The following LAMP1 variants were observed in gnomAD, a reference collection of about 807,000 sequenced individuals.
LAMP1 encodes the protein lysosome associated membrane protein 1, also known as lysosome-associated membrane glycoprotein 1.
In LAMP1, 7 loss-of-function variants were observed where a neutral mutation model predicts 37.5. The ratio of observed to expected loss-of-function variants is 0.19; its 90% CI spans 0.11 to 0.35. The LOEUF is 0.35. Ranked by LOEUF, LAMP1 falls within the 10% of genes least tolerant of loss-of-function variation. The pLI, the probability that LAMP1 is intolerant of heterozygous loss-of-function variation, is 1.00. For synonymous variants in LAMP1, 236 were observed against 229.1 expected, an observed-to-expected ratio of 1.03 and a Z score of -0.27; for missense variants, 537 against 552.8, an observed-to-expected ratio of 0.97 and a Z score of 0.29.
chr13:113,315,020 C>T (rs1160561279), intron 4 of LAMP1, among the ~76,000 whole-genome samples: 2 of 114,944 alleles, frequency 1.7e-5, no homozygotes, highest in Non-Finnish European at 3.4e-5. Flanking sequence ...TGCCCGTGTG[C>T]CTGGGGCGTG....
chr13:113,314,134 G>A lies in LAMP1; in HGVS notation c.562+3267G>A, dbSNP rs543706522. Among the ~76,000 whole-genome samples, 177 of 102,698 alleles carry A rather than the reference G, an allele frequency of 1.7e-3. 2 individuals carry two copies. The highest frequency in any genetic ancestry group is 0.013 in the Middle Eastern group (2 of 156). 67.4% of individuals were successfully genotyped at this position (102,698 alleles called of 152,430 possible). ...CCTGGGGCGTGGCCTCCCGGAGGGA[G>A]TCAGTGTGGAGATGCCCGTGTGCCT... On this transcript the variant is annotated intron_variant, in intron 4 of 8. Transcript: ENST00000332556.
Position 113,321,495 on chromosome 13 carries a change from C to T in LAMP1, c.943+25C>T, listed in dbSNP as rs571934711. On this transcript the variant is annotated intron_variant, in intron 7 of 8. Coordinates refer to ENST00000332556, the MANE Select transcript of LAMP1 (RefSeq NM_005561.4). The surrounding 1 kb of genome is among the most constrained non-coding windows in gnomAD (Gnocchi z 5.6). The stretch of plus-strand genomic sequence containing the variant: ...GGTGAGAACCCACAATCTCTGCGAG[C>T]CCCGCCCCCGCCCGCGCGCCCAGGG... 1.7e-5 allele frequency: 27 copies of T among 1,610,396 alleles called. No individual in the cohort carries two copies. The South Asian group carries it at 2.9e-4, about 17-fold the overall frequency.
intron 1 of LAMP1, among the ~76,000 whole-genome samples, chr13:113,301,644 A>ATATAT (rs2042574098): frequency 5.2e-4 from 2 of 3,864 alleles, no homozygotes; most frequent in African/African-American, 1.4e-3. Flanking sequence ...AAAAAAAAAA[A>ATATAT]ATATATATAT....
Position 113,297,999 on chromosome 13 carries a change from A to G in LAMP1, c.61+504A>G, listed in dbSNP as rs575785410. Among the ~76,000 whole-genome samples the G allele has an allele frequency of 2.0e-4, 30 of 152,298 alleles. No individual in the cohort carries two copies. Among genetic ancestry groups the G allele is most frequent in the African/African-American group, 7.0e-4 (29 of 41,564 alleles). ...CGGTGCGAGCATTCCCCACCTTTGT[A>G]CTTGAACCTTTCTCCTCTTTCAGCG... is the stretch of plus-strand genomic sequence containing the variant. On this transcript the variant is annotated intron_variant, in intron 1 of 8. Coordinates refer to ENST00000332556, the MANE Select transcript of LAMP1 (RefSeq NM_005561.4). This position sits in a 1 kb window ranked among gnomAD's most constrained non-coding sequence, Gnocchi z 4.4.
At chr13:113,298,909 G>A (rs2042556353) in intron 1 of LAMP1, among the ~76,000 whole-genome samples, 1 of 152,228 alleles carries the variant, frequency 6.6e-6, no homozygotes, top group Non-Finnish European at 1.5e-5. Context: ...TTGGGTGGCC[G>A]AGGCAGATGG....
intron 1 of LAMP1, among the ~76,000 whole-genome samples, chr13:113,301,698 C>T (rs1380253797): frequency 7.1e-6 from 1 of 141,250 alleles, no homozygotes; most frequent in Non-Finnish European, 1.5e-5. Context: ...TATATTTACA[C>T]ACACACACAC....
chr13:113,309,832 A>C lies in LAMP1; in HGVS notation c.373A>C (p.Thr125Pro). Reference sequence around the variant, plus strand: ...GAGTTTTGTTTATAACTTGTCAGACACACACCTTTTCCCCAATGCGAGCTC... The same window carrying C: ...GAGTTTTGTTTATAACTTGTCAGACCCACACCTTTTCCCCAATGCGAGCTC... ...LMSFVYNLSD[T>P]HLFPNASSKE... Residue 125 changes from threonine to proline, a missense_variant, in exon 3 of 9, where the codon ACA becomes CCA. Thr to Pro is a conservative substitution (Grantham distance 38). Coordinates refer to ENST00000332556, the MANE Select transcript of LAMP1 (RefSeq NM_005561.4). The C allele has an allele frequency of 6.2e-7, 1 of 1,613,424 alleles. No homozygotes were observed. Among genetic ancestry groups the C allele is most frequent in the Non-Finnish European group, 8.5e-7 (1 of 1,180,012 alleles).
intron 2 of LAMP1, among the ~76,000 whole-genome samples, chr13:113,307,041 G>A (rs569298224): frequency 1.5e-4 from 23 of 151,708 alleles, no homozygotes; most frequent in African/African-American, 4.6e-4. Flanking sequence ...GGGTTTCACT[G>A]TGTTAGCCTT....
intron 3 of LAMP1, 41 bp from the exon 4 acceptor site, chr13:113,310,668 C>G (rs1363329155): frequency 7.3e-7 from 1 of 1,363,046 alleles, no homozygotes; most frequent in Admixed American, 2.2e-5. Context: ...CTAAGTACTG[C>G]AAGTAGTTTG....
At chr13:113,313,242 G>A (rs1257963131) in intron 4 of LAMP1, among the ~76,000 whole-genome samples, 1 of 152,168 alleles carries the variant, frequency 6.6e-6, no homozygotes, top group African/African-American at 2.4e-5. Flanking sequence ...GGATTCTCTA[G>A]ATGAAAAATA....
intron 4 of LAMP1, among the ~76,000 whole-genome samples, chr13:113,317,332 T>A (rs1026155569): frequency 1.3e-5 from 2 of 152,164 alleles, no homozygotes; most frequent in African/African-American, 4.8e-5. Context: ...AAGACTTTGG[T>A]ATTTAGTACG....
chr13:113,304,111 GA>G (rs879921790), intron 1 of LAMP1, among the ~76,000 whole-genome samples: 11 of 151,286 alleles, frequency 7.3e-5, no homozygotes, highest in African/African-American at 2.2e-4. Flanking sequence ...TTTACTAAGT[GA>G]AAAAAAAATT....
chr13:113,316,298 T>C (rs981558184), intron 4 of LAMP1, among the ~76,000 whole-genome samples: 8 of 152,146 alleles, frequency 5.3e-5, no homozygotes, highest in African/African-American at 1.9e-4. Flanking sequence ...TGGGGTGTCT[T>C]CGTCTTTTAT....
intron 1 of LAMP1, among the ~76,000 whole-genome samples, chr13:113,304,432 T>A (rs561613860): frequency 1.3e-5 from 2 of 152,364 alleles, no homozygotes; most frequent in South Asian, 2.1e-4. Flanking sequence ...TCATCTGATC[T>A]TTCACAAGAG....
chr13:113,307,776 G>C (rs937503320), intron 2 of LAMP1, among the ~76,000 whole-genome samples: 2 of 135,476 alleles, frequency 1.5e-5, no homozygotes, highest in Non-Finnish European at 3.1e-5. Flanking sequence ...CCAAGACATA[G>C]TAAGATCTTA....
At position 113,323,381 on chromosome 13, in the gene LAMP1, C is replaced by A. The variant is rs992238432; in HGVS notation, c.*960C>A. 1.3e-5 allele frequency: 2 copies of A among 151,998 alleles called. No homozygotes were observed. The highest frequency in any genetic ancestry group is 1.5e-5 in the Non-Finnish European group (1 of 68,036). The allele number at this position is 151,998 out of a possible 1,614,324, so 9.4% of individuals were successfully genotyped here. ...GGGGATTGTACACGGGACCAGCTCA[C>A]GTAATGCATTGCCTGTAACAATGTA... On this transcript the variant is annotated 3_prime_UTR_variant, in exon 9 of 9. Transcript: ENST00000332556.
At chr13:113,316,421 A>ATTTT (rs11358802) in intron 4 of LAMP1, among the ~76,000 whole-genome samples, 3 of 115,906 alleles carry the variant, frequency 2.6e-5, no homozygotes, top group African/African-American at 9.8e-5. Context: ...ATTTGGCATG[A>ATTTT]TTTTTTTTTT....
chr13:113,303,663 A>G (rs9549735), intron 1 of LAMP1, among the ~76,000 whole-genome samples: 128,592 of 152,142 alleles, frequency 0.85, 57,957 homozygotes, highest in Non-Finnish European at 1. Flanking sequence ...TTGCCTTCTG[A>G]GGGTAAGTTT....
intron 2 of LAMP1, among the ~76,000 whole-genome samples, chr13:113,306,834 C>CTTTTTTTTTTGTT (rs2042601665): frequency 1.2e-5 from 1 of 80,142 alleles, no homozygotes; most frequent in Non-Finnish European, 2.2e-5. Context: ...GAACATTTTC[C>CTTTTTTTTTTGTT]TTTTTTTTTT....
Sources: gnomAD v4.1 joint callset for allele counts (sites outside exome capture counted in the v4.1 genomes callset) on GRCh38, gnomAD v4.1.1 for gene constraint, Gnocchi (gnomAD v3.1) non-coding constraint, MANE v1.5 for transcripts, NCBI Gene and HGNC (gene_info 2026-07-23, HGNC 2026-07-21) for gene names.